The following PCDHGA3 variants were observed in gnomAD, a reference collection of about 807,000 sequenced individuals.
PCDHGA3 encodes protocadherin gamma subfamily A, 3, also known as protocadherin gamma-A3.
In PCDHGA3, 40 loss-of-function variants were observed where a neutral mutation model predicts 58.5. The ratio of observed to expected loss-of-function variants is 0.68; its 90% CI spans 0.53 to 0.89. The LOEUF (loss-of-function observed/expected upper bound fraction) is 0.89. Among genes scored for constraint, PCDHGA3 ranks in the 40% least tolerant of loss-of-function variants. PCDHGA3 has a pLI of 0.00. For synonymous variants in PCDHGA3, 530 were observed against 525.7 expected, an observed-to-expected ratio of 1.01 and a Z score of -0.11; for missense variants, 1,223 against 1,195.9, an observed-to-expected ratio of 1.02 and a Z score of -0.33.
At chr5:141,509,117 G>A (rs1271574654) in intron 3 of PCDHGA3, among the ~76,000 whole-genome samples, 1 of 152,150 alleles carries the variant, frequency 6.6e-6, no homozygotes, top group Admixed American at 6.5e-5. Flanking sequence ...GCGCTGGTGC[G>A]TGAAGAGAAA....
chr5:141,409,941 G>T, intron 1 of PCDHGA3: 1 of 1,613,226 alleles, frequency 6.2e-7, no homozygotes, highest in South Asian at 1.1e-5. Flanking sequence ...ATGGTACCTC[G>T]CTCTGCAGAG....
chr5:141,510,847 AG>A, intron 3 of PCDHGA3, 99 bp from the exon 4 acceptor site: 3 of 1,595,350 alleles, frequency 1.9e-6, no homozygotes, highest in Non-Finnish European at 2.6e-6. Context: ...GTCAAGGCCC[AG>A]GGTGCTGTAT....
At chr5:141,415,425 T>G (rs777503392) in intron 1 of PCDHGA3, 7 of 1,614,080 alleles carry the variant, frequency 4.3e-6, no homozygotes, top group African/African-American at 1.3e-5. Context: ...TGGACGGGGT[T>G]CGGGCTTTCC....
Position 141,486,276 on chromosome 5 carries a change from T to C in PCDHGA3, c.2425-8531T>C. The C allele has an allele frequency of 1.2e-6, 2 of 1,613,980 alleles. No homozygotes were observed. The highest frequency in any genetic ancestry group is 1.7e-6 in the Non-Finnish European group (2 of 1,179,974). On this transcript the variant is annotated intron_variant, in intron 1 of 3. Coordinates refer to ENST00000253812, the MANE Select transcript of PCDHGA3 (RefSeq NM_018916.4). The surrounding 1 kb of genome is among the most constrained non-coding windows in gnomAD (Gnocchi z 5.0). ...CCCGAGAGTGCAGAACCTGGCACTG[T>C]GGTGGCACTTATCAGTGTGCAGGAT...
At chr5:141,453,240 A>G (rs1470706774) in intron 1 of PCDHGA3, among the ~76,000 whole-genome samples, 1 of 152,020 alleles carries the variant, frequency 6.6e-6, no homozygotes, top group African/African-American at 2.4e-5. Context: ...CAGCCTCCCA[A>G]ATAGCTGGGG....
At chr5:141,388,369 T>G in intron 1 of PCDHGA3, 1 of 1,614,006 alleles carries the variant, frequency 6.2e-7, no homozygotes, top group Non-Finnish European at 8.5e-7. Flanking sequence ...GATGCGGATA[T>G]TGGTAGCAAC....
chr5:141,358,949 C>T (rs1406811787), intron 1 of PCDHGA3, among the ~76,000 whole-genome samples: 1 of 152,136 alleles, frequency 6.6e-6, no homozygotes, highest in African/African-American at 2.4e-5. Flanking sequence ...GTTCTTTGTG[C>T]TTTCATTTAG....
intron 1 of PCDHGA3, chr5:141,375,203 C>T (rs1346536726): frequency 4.3e-6 from 7 of 1,613,912 alleles, no homozygotes; most frequent in Non-Finnish European, 5.1e-6. Flanking sequence ...AGTGTTCGAT[C>T]GAGACTCTGG....
chr5:141,360,143 C>A, intron 1 of PCDHGA3: 2 of 1,594,882 alleles, frequency 1.3e-6, no homozygotes, highest in Non-Finnish European at 8.6e-7. Context: ...AAGATGAAAG[C>A]GAGCTCAGGG....
Position 141,345,346 on chromosome 5 carries a change from T to A in PCDHGA3, c.1313T>A (p.Ile438Asn), listed in dbSNP as rs1480265010. 1.9e-6 allele frequency: 3 copies of A among 1,613,880 alleles called. No individual in the cohort carries two copies. In the Admixed American group the frequency reaches 5.0e-5, roughly 27 times the overall value. The change falls in exon 1 of 4, where the codon ATC becomes AAC. Residue 438 changes from isoleucine (I) to asparagine (N), a missense_variant. By Grantham distance (149) the Ile-to-Asn change is moderately radical (BLOSUM62 -3). Coordinates refer to ENST00000253812, the MANE Select transcript of PCDHGA3 (RefSeq NM_018916.4). Reference protein sequence around the residue: ...GSPPLSTETHITLHVIDINDN... With the variant: ...GSPPLSTETHNTLHVIDINDN... Reference sequence around the variant, plus strand: ...CCGCCACTGTCCACAGAAACTCACATCACCCTGCATGTGATTGACATCAAT... The same window carrying A: ...CCGCCACTGTCCACAGAAACTCACAACACCCTGCATGTGATTGACATCAAT...
intron 1 of PCDHGA3, chr5:141,360,132 G>A (rs1234276990): frequency 6.3e-7 from 1 of 1,589,922 alleles, no homozygotes; most frequent in Non-Finnish European, 8.6e-7. Flanking sequence ...AAGGGAGCCA[G>A]AAGATGAAAG....
Position 141,352,437 on chromosome 5 carries a change from G to A in PCDHGA3, c.2424+5980G>A, listed in dbSNP as rs754792200. The A allele has an allele frequency of 1.2e-6, 2 of 1,613,916 alleles. No homozygotes were observed. Among genetic ancestry groups the A allele is most frequent in the Non-Finnish European group, 1.7e-6 (2 of 1,179,916 alleles). ...GACACTGAGGGCTGCTTTCAAACCG[G>A]TCTCTGCTCCAAGTCTGGGCCCGGG... On this transcript the variant is annotated intron_variant, in intron 1 of 3. Transcript: ENST00000253812.
In PCDHGA3 at chr5:141,474,057, G is replaced by A. The variant is rs546654716; in HGVS notation, c.2425-20750G>A. Among the ~76,000 whole-genome samples, 3 of 152,192 alleles carry A rather than the reference G, an allele frequency of 2.0e-5. No homozygotes were observed. In the East Asian group the frequency reaches 5.8e-4, roughly 29 times the overall value. On this transcript the variant is annotated intron_variant, in intron 1 of 3. Transcript: ENST00000253812. ...TGTACTCCAGCCTGGATGACAGAGC[G>A]AGATCCTGCCTCAGAAACAAAAACC... is the stretch of plus-strand genomic sequence containing the variant.
At position 141,476,943 on chromosome 5, in the gene PCDHGA3, A is replaced by G. The variant is rs538990482; in HGVS notation, c.2425-17864A>G. On this transcript the variant is annotated intron_variant, in intron 1 of 3. Coordinates refer to ENST00000253812, the MANE Select transcript of PCDHGA3 (RefSeq NM_018916.4). This position sits in a 1 kb window ranked among gnomAD's most constrained non-coding sequence, Gnocchi z 7.6. ...GCAACGGATCTGGATGAAGGCCCCA[A>G]CGGTGAAATTATTTACTCCTTCGGC... 14 of 1,614,170 alleles carry G rather than the reference A, an allele frequency of 8.7e-6. No individual in the cohort carries two copies. Among genetic ancestry groups the G allele is most frequent in the South Asian group, 1.1e-5 (1 of 91,086 alleles).
At position 141,362,521 on chromosome 5, in the gene PCDHGA3, G is replaced by T. The variant is rs1299145664; in HGVS notation, c.2424+16064G>T. On this transcript the variant is annotated intron_variant, in intron 1 of 3. Transcript: ENST00000253812. ...GGAACAAAATACAAATCATGGAGCC[G>T]CTGGGGTCCCTTTTGCCTCAGATAC... The T allele has an allele frequency of 2.2e-5, 36 of 1,613,832 alleles. No individual in the cohort carries two copies. The highest frequency in any genetic ancestry group is 2.8e-5 in the Non-Finnish European group (33 of 1,179,902).
At chr5:141,495,771 C>T (rs941051365) in intron 2 of PCDHGA3, among the ~76,000 whole-genome samples, 1 of 152,110 alleles carries the variant, frequency 6.6e-6, no homozygotes, top group Non-Finnish European at 1.5e-5. Flanking sequence ...TGTCCTTGTC[C>T]TGGACCTCTT....
At chr5:141,506,636 C>T (rs1421676205) in intron 3 of PCDHGA3, among the ~76,000 whole-genome samples, 2 of 152,020 alleles carry the variant, frequency 1.3e-5, no homozygotes, top group South Asian at 2.1e-4. Context: ...AATGCAAGTC[C>T]CTCAGCACAG....
At chr5:141,414,829 T>C (rs746789783) in intron 1 of PCDHGA3, 18 of 1,614,078 alleles carry the variant, frequency 1.1e-5, no homozygotes, top group Non-Finnish European at 1.5e-5. Context: ...CAACGTGTCG[T>C]TGAGCCTGTT....
chr5:141,360,290 A>G, intron 1 of PCDHGA3: 4 of 1,614,018 alleles, frequency 2.5e-6, no homozygotes, highest in Non-Finnish European at 3.4e-6. Flanking sequence ...AACCTCGCCA[A>G]GGATCTGGGG....
Sources: gnomAD v4.1 joint callset for allele counts (sites outside exome capture counted in the v4.1 genomes callset) on GRCh38, gnomAD v4.1.1 for gene constraint, Gnocchi (gnomAD v3.1) non-coding constraint, MANE v1.5 for transcripts, NCBI Gene and HGNC (gene_info 2026-07-23, HGNC 2026-07-21) for gene names.